Variants in PPP3CC observed in about 807,000 individuals in gnomAD.
The protein encoded by PPP3CC is protein phosphatase 3 catalytic subunit gamma, also known as serine/threonine-protein phosphatase 2B catalytic subunit gamma isoform.
Under a neutral mutation model 60.3 loss-of-function variants are expected in PPP3CC, and 35 were observed. The observed-to-expected ratio is 0.58, with a 90% CI of 0.44 to 0.77. PPP3CC has a LOEUF of 0.77. Ranked by LOEUF, PPP3CC falls within the 30% of genes least tolerant of loss-of-function variation. The probability of loss-of-function intolerance (pLI) is 0.00; values close to 1 mark genes in which losing one functional copy is unlikely to be tolerated. For missense variants in PPP3CC, 570 were observed against 628.9 expected (o/e 0.91, Z 1.00); for synonymous variants, 206 against 224.3 (o/e 0.92, Z 0.73).
intron 1 of PPP3CC, among the ~76,000 whole-genome samples, chr8:22,445,936 A>AAACACTTAATTTT (rs1159319903): frequency 2.0e-5 from 3 of 152,214 alleles, no homozygotes; most frequent in African/African-American, 7.2e-5. Flanking sequence ...ATCTTAATTT[A>AAACACTTAATTTT]AACACTTAAT....
At chr8:22,485,032 ATTAT>A (rs1222799960) in intron 3 of PPP3CC, among the ~76,000 whole-genome samples, 1 of 152,100 alleles carries the variant, frequency 6.6e-6, no homozygotes, top group Non-Finnish European at 1.5e-5. Context: ...TTTGGAGTAT[ATTAT>A]TTTCTAACTG....
At chr8:22,446,082 A>T (rs971471493) in intron 1 of PPP3CC, among the ~76,000 whole-genome samples, 10 of 152,190 alleles carry the variant, frequency 6.6e-5, no homozygotes, top group African/African-American at 9.6e-5. Flanking sequence ...AGGATTAAAA[A>T]TTTTTTTTGC....
At chr8:22,517,339 G>A (rs1376602330) in intron 6 of PPP3CC, among the ~76,000 whole-genome samples, 1 of 152,120 alleles carries the variant, frequency 6.6e-6, no homozygotes, top group Non-Finnish European at 1.5e-5. Flanking sequence ...CTTTCTTCTG[G>A]TGTCTTTGGC....
intron 1 of PPP3CC, among the ~76,000 whole-genome samples, chr8:22,447,778 T>G (rs1836876354): frequency 6.6e-6 from 1 of 152,210 alleles, no homozygotes; most frequent in Non-Finnish European, 1.5e-5. Context: ...ATATTCAATT[T>G]TGTTTTGTTG....
intron 8 of PPP3CC, among the ~76,000 whole-genome samples, chr8:22,523,405 A>G (rs1430023343): frequency 6.6e-6 from 1 of 152,174 alleles, no homozygotes; most frequent in East Asian, 1.9e-4. Context: ...AATAGTTTAT[A>G]AGTTTTCTAT....
intron 1 of PPP3CC, among the ~76,000 whole-genome samples, chr8:22,472,777 C>G (rs1376953784): frequency 6.6e-6 from 1 of 152,074 alleles, no homozygotes; most frequent in Non-Finnish European, 1.5e-5. Flanking sequence ...TCTCCCAAAC[C>G]CTTCACTGTG....
chr8:22,480,917 G>T (rs1252278085), intron 3 of PPP3CC, among the ~76,000 whole-genome samples: 1 of 152,288 alleles, frequency 6.6e-6, no homozygotes, highest in Admixed American at 6.5e-5. Flanking sequence ...GCAAGACCTT[G>T]TTTCTATAAA....
chr8:22,539,398 T>A, intron 12 of PPP3CC, 71 bp from the exon 13 acceptor site: 1 of 1,546,228 alleles, frequency 6.5e-7, no homozygotes, highest in Non-Finnish European at 8.9e-7. Context: ...TGTGCTGCCA[T>A]CAGTGCTGTT....
intron 1 of PPP3CC, among the ~76,000 whole-genome samples, chr8:22,470,083 CACAT>C (rs1339049052): frequency 2.0e-5 from 3 of 150,750 alleles, no homozygotes; most frequent in South Asian, 2.1e-4. Flanking sequence ...CACACACACA[CACAT>C]ACATATATAT....
intron 6 of PPP3CC, among the ~76,000 whole-genome samples, chr8:22,520,258 T>A (rs909044829): frequency 5.3e-5 from 8 of 152,156 alleles, no homozygotes; most frequent in Non-Finnish European, 8.8e-5. Flanking sequence ...GCTTTCAGAT[T>A]TTTTCTTTTT....
At chr8:22,461,741 C>A (rs898238012) in intron 1 of PPP3CC, among the ~76,000 whole-genome samples, 3 of 152,046 alleles carry the variant, frequency 2.0e-5, no homozygotes, top group Non-Finnish European at 4.4e-5. Flanking sequence ...AGAGGACATA[C>A]AGGATTTTAG....
chr8:22,501,629 C>T (rs372147499), intron 4 of PPP3CC, among the ~76,000 whole-genome samples: 1 of 152,290 alleles, frequency 6.6e-6, no homozygotes, highest in East Asian at 1.9e-4. Context: ...TGAATGTTTG[C>T]TTTTTTCCAG....
chr8:22,456,435 G>T (rs1454684976), intron 1 of PPP3CC, among the ~76,000 whole-genome samples: 1 of 152,126 alleles, frequency 6.6e-6, no homozygotes, highest in East Asian at 1.9e-4. Context: ...GATAATTATA[G>T]ATTCACAGGA....
intron 6 of PPP3CC, among the ~76,000 whole-genome samples, chr8:22,518,607 G>T (rs1056650099): frequency 2.0e-5 from 3 of 152,172 alleles, no homozygotes; most frequent in African/African-American, 4.8e-5. Flanking sequence ...TCATAGTGTT[G>T]TTCAGTTCTG....
At chr8:22,459,813 G>A (rs917831893) in intron 1 of PPP3CC, among the ~76,000 whole-genome samples, 1 of 152,080 alleles carries the variant, frequency 6.6e-6, no homozygotes, top group Admixed American at 6.6e-5. Flanking sequence ...ATTTCTAAAA[G>A]AAAGTATAGG....
chr8:22,510,022 A>G (rs955263088), intron 4 of PPP3CC, among the ~76,000 whole-genome samples: 9 of 151,782 alleles, frequency 5.9e-5, no homozygotes, highest in African/African-American at 1.9e-4. Flanking sequence ...CGTCCCTACT[A>G]AAAATACAAA....
intron 1 of PPP3CC, among the ~76,000 whole-genome samples, chr8:22,460,230 TTAAA>T (rs1220067715): frequency 1.3e-5 from 2 of 152,192 alleles, no homozygotes; most frequent in Non-Finnish European, 2.9e-5. Context: ...ATAAAAATCT[TTAAA>T]TAAAGATAGG....
chr8:22,454,872 C>G (rs892654789), intron 1 of PPP3CC, among the ~76,000 whole-genome samples: 1 of 151,450 alleles, frequency 6.6e-6, no homozygotes, highest in Admixed American at 6.6e-5. Flanking sequence ...ATCGAGACCA[C>G]GGTGAAACCC....
chr8:22,475,738 G>A, intron 3 of PPP3CC, 114 bp downstream of exon 3: 2 of 1,049,508 alleles, frequency 1.9e-6, no homozygotes, highest in Non-Finnish European at 2.6e-6. Context: ...TATAAACTTT[G>A]TTACTTTCAA....
Sources: gnomAD v4.1 joint callset for allele counts (sites outside exome capture counted in the v4.1 genomes callset) on GRCh38, gnomAD v4.1.1 for gene constraint, MANE v1.5 for transcripts, NCBI Gene and HGNC (gene_info 2026-07-23, HGNC 2026-07-21) for gene names.